The following RGS12 variants were observed in gnomAD, a reference collection of about 807,000 sequenced individuals.
RGS12 encodes the protein regulator of G protein signaling 12.
A neutral mutation model predicts 120.1 loss-of-function variants in RGS12; 66 were observed. The observed-to-expected ratio is 0.55, with a 90% CI of 0.45 to 0.67. The LOEUF is 0.67. Among genes scored for constraint, RGS12 ranks in the 30% least tolerant of loss-of-function variants. RGS12 has a pLI of 0.00. For missense variants in RGS12, 1,859 were observed against 1,957.7 expected (o/e 0.95, Z 0.95); for synonymous variants, 827 against 804.7 (o/e 1.03, Z -0.47).
In RGS12 at chr4:3,428,644, GA is replaced by G; in HGVS notation, c.3499del (p.Arg1167GlufsTer43). 1 of 1,606,644 alleles carries G rather than the reference GA, an allele frequency of 6.2e-7. No individual in the cohort carries two copies. On this transcript the variant is annotated frameshift_variant, in exon 16 of 18. Transcript: ENST00000336727. LOFTEE classifies it high-confidence loss of function. ...KNARDPRLSK[R>X]EESIAKIGKK... ...ATGCTAGGGATCCCCGGCTTTCAAA[GA>G]GAGAAGAATCTATTGCAAAGATTGG...
chr4:3,434,738 G>A (rs1188610006), intron 17 of RGS12, among the ~76,000 whole-genome samples: 1 of 152,190 alleles, frequency 6.6e-6, no homozygotes, highest in African/African-American at 2.4e-5. Flanking sequence ...ATCTTAAAAC[G>A]GGTTCTTACG....
intron 13 of RGS12, 198 bp downstream of exon 13, chr4:3,423,839 T>TTGTA: frequency 3.1e-6 from 2 of 636,758 alleles, no homozygotes; most frequent in Non-Finnish European, 5.2e-6. Context: ...CATGGTTTAT[T>TTGTA]TGTACCTTGG....
upstream of RGS12, among the ~76,000 whole-genome samples, chr4:3,292,350 G>A (rs1174872982): frequency 6.6e-6 from 1 of 152,134 alleles, no homozygotes; most frequent in Non-Finnish European, 1.5e-5. Context: ...CTCCGGGAGG[G>A]GCAGACCCGC....
In RGS12 at chr4:3,422,426, C is replaced by T; in HGVS notation, c.2889C>T (p.His963=). The change falls in exon 11 of 18, where the codon CAC becomes CAT. Residue 963 remains histidine (H), a synonymous_variant. Transcript: ENST00000336727. ...LAPEKDKATK[H]CCIHLPDGTS... is the part of the protein sequence containing the mutation. Reference sequence around the variant, plus strand: ...CCGAGAAGGACAAGGCCACCAAGCACTGCTGCATTCATCTCCCGGATGGGA... The same window carrying T: ...CCGAGAAGGACAAGGCCACCAAGCATTGCTGCATTCATCTCCCGGATGGGA... The T allele has an allele frequency of 1.2e-6, 2 of 1,613,110 alleles. No individual in the cohort carries two copies. The highest frequency in any genetic ancestry group is 2.2e-5 in the South Asian group (2 of 91,088).
At chr4:3,434,861 G>A (rs13116176) in intron 17 of RGS12, among the ~76,000 whole-genome samples, 54,546 of 152,144 alleles carry the variant, frequency 0.36, 10,239 homozygotes, top group East Asian at 0.46. Context: ...CAAGGCGACA[G>A]TCAGGGGTCC....
At position 3,365,224 on chromosome 4, in the gene RGS12, G is replaced by A. The variant is rs964871996; in HGVS notation, c.1999-21192G>A. On this transcript the variant is annotated intron_variant, in intron 3 of 17. Transcript: ENST00000336727. The surrounding 1 kb of genome is among the most constrained non-coding windows in gnomAD (Gnocchi z 4.0). ...CCGGCCAGATCCACTGCCTGTTCTT[G>A]TAAATAGAGTCTCCCTGGGCTGCAG... Among the ~76,000 whole-genome samples the A allele has an allele frequency of 2.6e-5, 4 of 152,202 alleles. No homozygotes were observed. The highest frequency in any genetic ancestry group is 7.2e-5 in the African/African-American group (3 of 41,446).
Position 3,439,447 on chromosome 4 carries a change from T to C in RGS12, c.4115-8T>C, listed in dbSNP as rs1725125271. 3.7e-6 allele frequency: 6 copies of C among 1,612,594 alleles called. No homozygotes were observed. Among genetic ancestry groups the C allele is most frequent in the Non-Finnish European group, 5.1e-6 (6 of 1,179,780 alleles). On this transcript the variant is annotated splice_region_variant and splice_polypyrimidine_tract_variant and intron_variant, in intron 17 of 17. Coordinates refer to ENST00000336727, the MANE Select transcript of RGS12 (RefSeq NM_001394154.1). ...GGCAAGTGACAGCTTCTCTTCTCCT[T>C]GTGACAGGAAGTGGGACCCATGGCA...
At chr4:3,345,287 A>C (rs755611842) in intron 3 of RGS12, among the ~76,000 whole-genome samples, 2 of 152,348 alleles carry the variant, frequency 1.3e-5, no homozygotes, top group East Asian at 3.9e-4. Flanking sequence ...ATTTGTTATC[A>C]GGTCTATGAG....
chr4:3,362,827 GTT>G (rs1366221613), intron 3 of RGS12, among the ~76,000 whole-genome samples: 2 of 149,962 alleles, frequency 1.3e-5, no homozygotes, highest in African/African-American at 4.9e-5. Flanking sequence ...GTGTCAGTGT[GTT>G]TGAGTGTGAG....
intron 16 of RGS12, 152 bp from the exon 17 acceptor site, chr4:3,430,255 A>G (rs923186029): frequency 5.6e-5 from 39 of 698,598 alleles, no homozygotes; most frequent in Non-Finnish European, 9.3e-5. Flanking sequence ...TGTCTGTGGG[A>G]AGATAGTGTG....
In RGS12 at chr4:3,309,541, A is replaced by G. The variant is rs563735885; in HGVS notation, c.-101-6529A>G. 6.5e-3 allele frequency among the ~76,000 whole-genome samples: 722 copies of G among 110,674 alleles called. 19 individuals are homozygous for G. Among genetic ancestry groups the G allele is most frequent in the Admixed American group, 0.057 (585 of 10,256 alleles). 72.6% of individuals were successfully genotyped at this position (110,674 alleles called of 152,430 possible). The stretch of plus-strand genomic sequence containing the variant: ...TGTCCTCTGAGGAGAGCTGAGCAGG[A>G]GAGGAGCTGGGGCCTGGGAATGGCA... On this transcript the variant is annotated intron_variant, in intron 1 of 17. Coordinates refer to ENST00000336727, the MANE Select transcript of RGS12 (RefSeq NM_001394154.1).
chr4:3,414,411 G>A (rs1426171295), intron 5 of RGS12, 170 bp downstream of exon 5: 10 of 764,400 alleles, frequency 1.3e-5, no homozygotes, highest in Non-Finnish European at 2.0e-5. Context: ...TCAGAGGAGG[G>A]TGGGTTGAAT....
At chr4:3,311,327 C>T (rs559153463) in intron 1 of RGS12, among the ~76,000 whole-genome samples, 2 of 152,180 alleles carry the variant, frequency 1.3e-5, no homozygotes, top group South Asian at 4.2e-4. Flanking sequence ...TTGGGTGCTG[C>T]CCGGCATGAG....
chr4:3,303,902 T>A (rs1723822047), intron 1 of RGS12, among the ~76,000 whole-genome samples: 1 of 152,250 alleles, frequency 6.6e-6, no homozygotes, highest in South Asian at 2.1e-4. Flanking sequence ...TTTAATTTCT[T>A]CTTTACCTCT....
chr4:3,390,050 C>T lies in RGS12; in HGVS notation c.2020+3613C>T, dbSNP rs1294603501. ...CATCCTCCCGCTCCCTTCTCCTGAA[C>T]GCTGGTGGTTGCCCCCACAGCAGCA... On this transcript the variant is annotated intron_variant, in intron 4 of 17. Coordinates refer to ENST00000336727, the MANE Select transcript of RGS12 (RefSeq NM_001394154.1). The surrounding 1 kb of genome is among the most constrained non-coding windows in gnomAD (Gnocchi z 4.6). 1.3e-5 allele frequency among the ~76,000 whole-genome samples: 2 copies of T among 152,210 alleles called. No homozygotes were observed. Among genetic ancestry groups the T allele is most frequent in the African/African-American group, 2.4e-5 (1 of 41,448 alleles).
intron 3 of RGS12, among the ~76,000 whole-genome samples, chr4:3,384,716 G>A (rs1265915286): frequency 1.3e-5 from 2 of 152,214 alleles, no homozygotes; most frequent in Non-Finnish European, 2.9e-5. Context: ...TGGGAAGTGG[G>A]TTGGGGGGCA....
Position 3,317,337 on chromosome 4 carries a change from G to A in RGS12, c.1167G>A (p.Leu389=). ...CCGTCCTGCAGTTCATCTCTGTCCTGTACCGAGACATGGGTGAGCTGATTG... is the reference window on the plus strand; with the variant it reads ...CCGTCCTGCAGTTCATCTCTGTCCTATACCGAGACATGGGTGAGCTGATTG... ...SLPVLQFISV[L]YRDMGELIEG... The change falls in exon 2 of 18, where the codon CTG becomes CTA. Residue 389 remains leucine (L), a synonymous_variant. Coordinates refer to ENST00000336727, the MANE Select transcript of RGS12 (RefSeq NM_001394154.1). 2.5e-6 allele frequency: 4 copies of A among 1,614,120 alleles called. No homozygotes were observed. Among genetic ancestry groups the A allele is most frequent in the Non-Finnish European group, 3.4e-6 (4 of 1,180,022 alleles).
At position 3,367,614 on chromosome 4, in the gene RGS12, G is replaced by A. The variant is rs191642048; in HGVS notation, c.1999-18802G>A. Among the ~76,000 whole-genome samples, 18 of 152,362 alleles carry A rather than the reference G, an allele frequency of 1.2e-4. No individual in the cohort carries two copies. The East Asian group carries it at 2.3e-3, about 20-fold the overall frequency. ...GCAGCTCCTGGACCTCTGACCATGT[G>A]GCAGGGGGCTCATCCCCGTCTCCCC... On this transcript the variant is annotated intron_variant, in intron 3 of 17. Transcript: ENST00000336727.
Position 3,300,963 on chromosome 4 carries a change from G to A in RGS12, c.-102+7864G>A, listed in dbSNP as rs192316265. 8.9e-4 allele frequency among the ~76,000 whole-genome samples: 136 copies of A among 152,336 alleles called. 2 individuals carry two copies. The East Asian group carries it at 0.024, about 27-fold the overall frequency. On this transcript the variant is annotated intron_variant, in intron 1 of 17. Coordinates refer to ENST00000336727, the MANE Select transcript of RGS12 (RefSeq NM_001394154.1). ...CCCCACTGCACCTGCCTAGACCTGG[G>A]GGTGGTGAGGAGCCACGTGAGGAGG... is the stretch of plus-strand genomic sequence containing the variant.
Sources: allele counts gnomAD v4.1 joint callset (sites outside exome capture counted in the v4.1 genomes callset), GRCh38; gene constraint gnomAD v4.1.1; non-coding constraint Gnocchi (gnomAD v3.1); transcripts MANE v1.5; gene names NCBI Gene and HGNC (gene_info 2026-07-23, HGNC 2026-07-21).